The following LPIN2 variants were observed in gnomAD, a reference collection of about 807,000 sequenced individuals.
LPIN2 encodes lipin 2.
A neutral mutation model predicts 111.4 loss-of-function variants in LPIN2; 55 were observed. The ratio of observed to expected loss-of-function variants is 0.49; its 90% CI spans 0.40 to 0.62. The LOEUF (loss-of-function observed/expected upper bound fraction) is 0.62. LPIN2 is among the 20% of genes least tolerant of loss of function. The pLI is 0.00. For missense variants in LPIN2, 992 were observed against 1,112.1 expected, an observed-to-expected ratio of 0.89 and a Z score of 1.54; for synonymous variants, 425 against 414.0, an observed-to-expected ratio of 1.03 and a Z score of -0.32.
chr18:2,930,418 G>A (rs973290101), intron 9 of LPIN2, among the ~76,000 whole-genome samples: 1 of 152,170 alleles, frequency 6.6e-6, no homozygotes. Context: ...TGAAGAGACA[G>A]GGAAGAGGCA....
intron 3 of LPIN2, among the ~76,000 whole-genome samples, chr18:2,953,119 A>C (rs61666360): frequency 3.6e-4 from 55 of 152,322 alleles, no homozygotes; most frequent in African/African-American, 1.1e-3. Context: ...GGAGAAGCAT[A>C]CTACACAAGA....
chr18:2,957,643 T>G (rs909417150), intron 2 of LPIN2, among the ~76,000 whole-genome samples: 1 of 152,156 alleles, frequency 6.6e-6, no homozygotes. Context: ...TAGGAAGCTC[T>G]CTCTCCACTG....
intron 1 of LPIN2, among the ~76,000 whole-genome samples, chr18:2,996,325 C>T (rs946121220): frequency 6.6e-6 from 1 of 151,614 alleles, no homozygotes; most frequent in Non-Finnish European, 1.5e-5. Context: ...GGTGACAGTG[C>T]AAGACTTCAT....
chr18:2,927,321 G>A (rs576780125), intron 12 of LPIN2, among the ~76,000 whole-genome samples: 24 of 152,310 alleles, frequency 1.6e-4, no homozygotes, highest in Non-Finnish European at 2.9e-4. Flanking sequence ...ATGGAGACCT[G>A]GTGGAACAGA....
chr18:2,981,515 ATG>A lies in LPIN2; in HGVS notation c.-9-20668_-9-20667del, dbSNP rs200489078. On this transcript the variant is annotated intron_variant, in intron 1 of 19. Coordinates refer to ENST00000677752, the MANE Select transcript of LPIN2 (RefSeq NM_001375808.2). ...AAGAACTTCCTGTGAGGGAGAGTTT[ATG>A]TGTGTTAGTGCTACTTAATATATGA... Among the ~76,000 whole-genome samples, 954 of 152,228 alleles carry A rather than the reference ATG, an allele frequency of 6.3e-3. 14 individuals are homozygous for A. Among genetic ancestry groups the A allele is most frequent in the African/African-American group, 0.022 (919 of 41,522 alleles).
At chr18:2,975,623 C>A (rs764415961) in intron 1 of LPIN2, among the ~76,000 whole-genome samples, 1 of 152,118 alleles carries the variant, frequency 6.6e-6, no homozygotes, top group Non-Finnish European at 1.5e-5. Context: ...CCTAGCCAAG[C>A]CTTTTATTAT....
intron 11 of LPIN2, 118 bp from the exon 12 acceptor site, chr18:2,927,929 T>C: frequency 3.6e-6 from 3 of 828,230 alleles, no homozygotes; most frequent in Non-Finnish European, 6.4e-6. Flanking sequence ...ACCGATGCTC[T>C]CTTCACACCT....
chr18:2,929,168 A>T lies in LPIN2; in HGVS notation c.1457-10T>A. 1.3e-6 allele frequency: 2 copies of T among 1,523,912 alleles called. No individual in the cohort carries two copies. The highest frequency in any genetic ancestry group is 1.8e-6 in the Non-Finnish European group (2 of 1,098,202). The allele number at this position is 1,523,912 out of a possible 1,614,324, so 94.4% of individuals were successfully genotyped here. ...TGCTCCATGAATTTTTCTGCAATGTAAAATAATAATCAATTTGGTTAGAGA... is the reference window on the plus strand; with the variant it reads ...TGCTCCATGAATTTTTCTGCAATGTTAAATAATAATCAATTTGGTTAGAGA... On this transcript the variant is annotated splice_polypyrimidine_tract_variant and intron_variant, in intron 9 of 19. Transcript: ENST00000677752.
At chr18:2,956,533 A>C (rs967481042) in intron 2 of LPIN2, among the ~76,000 whole-genome samples, 1 of 152,328 alleles carries the variant, frequency 6.6e-6, no homozygotes, top group African/African-American at 2.4e-5. Flanking sequence ...TTCTTCTGGA[A>C]CACCTTCTGG....
At chr18:2,968,043 C>T (rs1435270079) in intron 1 of LPIN2, among the ~76,000 whole-genome samples, 1 of 152,150 alleles carries the variant, frequency 6.6e-6, no homozygotes, top group Non-Finnish European at 1.5e-5. Context: ...GCTCCTAGAC[C>T]TTCAGTGGAG....
At chr18:2,922,333 G>A (rs2077068261) in intron 16 of LPIN2, 134 bp from the exon 17 acceptor site, 1 of 1,034,122 alleles carries the variant, frequency 9.7e-7, no homozygotes, top group Non-Finnish European at 1.4e-6. Context: ...GGAGTGCTGT[G>A]GCGCCATCTC....
At chr18:2,947,412 A>G (rs550025454) in intron 4 of LPIN2, among the ~76,000 whole-genome samples, 3 of 152,316 alleles carry the variant, frequency 2.0e-5, no homozygotes, top group African/African-American at 7.2e-5. Flanking sequence ...CTTCTATGTT[A>G]TATTTAAGCC....
At chr18:2,976,550 T>A (rs2078020123) in intron 1 of LPIN2, among the ~76,000 whole-genome samples, 1 of 152,262 alleles carries the variant, frequency 6.6e-6, no homozygotes, top group South Asian at 2.1e-4. Flanking sequence ...GCCTGTCATT[T>A]GTCTGCGTGG....
intron 10 of LPIN2, among the ~76,000 whole-genome samples, 162 bp from the exon 11 acceptor site, chr18:2,928,822 G>A (rs774818734): frequency 7.2e-5 from 11 of 152,086 alleles, no homozygotes; most frequent in Non-Finnish European, 1.5e-4. Flanking sequence ...AATAACCTTC[G>A]CTTCAAGCAC....
chr18:2,952,058 A>G (rs2077545543), intron 3 of LPIN2, among the ~76,000 whole-genome samples: 1 of 152,258 alleles, frequency 6.6e-6, no homozygotes, highest in Non-Finnish European at 1.5e-5. Flanking sequence ...GGTGTTCAGT[A>G]AATTCATGTC....
intron 2 of LPIN2, among the ~76,000 whole-genome samples, chr18:2,956,084 A>C (rs2143153761): frequency 6.6e-6 from 1 of 151,886 alleles, no homozygotes; most frequent in South Asian, 2.1e-4. Context: ...CCAAACAAAC[A>C]TTGTGCAGTA....
rs1555678271 is a variant in LPIN2 at position 2,958,158 on chromosome 18, C to CAAAAAAAAAAAAAAAAAA, written c.192+2490_192+2491insTTTTTTTTTTTTTTTTTT. The stretch of plus-strand genomic sequence containing the variant: ...CTCCATCTCAAAAAAAAAAAAAAAA[C>CAAAAAAAAAAAAAAAAAA]AACAAAAAAAAAAAACAGAAAAAAG... On this transcript the variant is annotated intron_variant, in intron 2 of 19. Transcript: ENST00000677752. 1.1e-4 allele frequency among the ~76,000 whole-genome samples: 4 copies of CAAAAAAAAAAAAAAAAAA among 35,352 alleles called. 1 individual carries two copies. The highest frequency in any genetic ancestry group is 1.6e-4 in the Non-Finnish European group (3 of 19,334). The allele number at this position is 35,352 out of a possible 152,430, so 23.2% of individuals were successfully genotyped here.
intron 3 of LPIN2, 108 bp from the exon 4 acceptor site, chr18:2,951,464 T>C: frequency 2.9e-6 from 2 of 682,666 alleles, no homozygotes; most frequent in Non-Finnish European, 2.4e-6. Context: ...AAAAAAAAAA[T>C]ACATATTCCC....
At chr18:2,963,067 A>C (rs946472735) in intron 1 of LPIN2, among the ~76,000 whole-genome samples, 3 of 152,104 alleles carry the variant, frequency 2.0e-5, no homozygotes, top group East Asian at 1.9e-4. Flanking sequence ...ATGTAGAAAA[A>C]TACAGGTTGT....
Sources: gnomAD v4.1 joint callset for allele counts (sites outside exome capture counted in the v4.1 genomes callset) on GRCh38, gnomAD v4.1.1 for gene constraint, MANE v1.5 for transcripts, NCBI Gene and HGNC (gene_info 2026-07-23, HGNC 2026-07-21) for gene names.